Variants in SLC9A9 observed in about 807,000 individuals in gnomAD.
SLC9A9 encodes the protein sodium/hydrogen exchanger 9.
SLC9A9 carries 62 observed loss-of-function variants against 77.8 expected under a neutral mutation model. The observed-to-expected ratio is 0.80, with a 90% CI of 0.65 to 0.98. SLC9A9 has a LOEUF of 0.98. SLC9A9 is among the 50% of genes least tolerant of loss of function. The probability of loss-of-function intolerance (pLI) is 0.00; values close to 1 mark genes in which losing one functional copy is unlikely to be tolerated. For missense variants in SLC9A9, 775 were observed against 774.9 expected (o/e 1.00, Z 0.00); for synonymous variants, 320 against 283.5 (o/e 1.13, Z -1.29).
chr3:143,685,331 G>C (rs1243954941), intron 5 of SLC9A9, among the ~76,000 whole-genome samples: 1 of 151,900 alleles, frequency 6.6e-6, no homozygotes. Flanking sequence ...CATTTCTAGG[G>C]TTCAGTAGCA....
chr3:143,341,272 T>C (rs1488668644), intron 14 of SLC9A9, among the ~76,000 whole-genome samples: 1 of 152,144 alleles, frequency 6.6e-6, no homozygotes, highest in Admixed American at 6.6e-5. Flanking sequence ...TCATAAACTT[T>C]TGGTCTTGAG....
chr3:143,651,412 C>T (rs1372993187), intron 6 of SLC9A9, among the ~76,000 whole-genome samples: 1 of 152,224 alleles, frequency 6.6e-6, no homozygotes, highest in Non-Finnish European at 1.5e-5. Context: ...TCATTTCTTA[C>T]TCCCCTCTGT....
intron 1 of SLC9A9, among the ~76,000 whole-genome samples, chr3:143,835,035 G>A (rs55904283): frequency 0.082 from 12,411 of 152,052 alleles, 1,590 homozygotes; most frequent in African/African-American, 0.27. Context: ...CCTCTGAAGG[G>A]CAACCATGGC....
At chr3:143,771,444 G>A (rs1438226153) in intron 4 of SLC9A9, among the ~76,000 whole-genome samples, 1 of 152,184 alleles carries the variant, frequency 6.6e-6, no homozygotes, top group African/African-American at 2.4e-5. Flanking sequence ...GATGAAGCCT[G>A]CCTTTCCAGA....
chr3:143,581,562 C>T (rs539670520), intron 6 of SLC9A9, among the ~76,000 whole-genome samples: 17 of 150,742 alleles, frequency 1.1e-4, no homozygotes, highest in East Asian at 1.9e-4. Context: ...CTCTTTCTTT[C>T]TTTGCATAAA....
At chr3:143,434,396 T>C (rs1369764026) in intron 12 of SLC9A9, among the ~76,000 whole-genome samples, 4 of 152,196 alleles carry the variant, frequency 2.6e-5, no homozygotes, top group Non-Finnish European at 5.9e-5. Context: ...TCCTTTTTGC[T>C]TATTTGATAA....
At chr3:143,560,134 G>C (rs1459497913) in intron 8 of SLC9A9, among the ~76,000 whole-genome samples, 1 of 152,224 alleles carries the variant, frequency 6.6e-6, no homozygotes, top group Admixed American at 6.5e-5. Context: ...ATGTACATCT[G>C]AGCACCAAAT....
intron 12 of SLC9A9, among the ~76,000 whole-genome samples, chr3:143,403,995 C>T (rs145404980): frequency 3.3e-5 from 5 of 151,536 alleles, no homozygotes; most frequent in South Asian, 4.2e-4. Flanking sequence ...TCTAATTATC[C>T]GCTCATTTTT....
chr3:143,445,527 G>C (rs2034826167), intron 12 of SLC9A9, among the ~76,000 whole-genome samples: 1 of 152,200 alleles, frequency 6.6e-6, no homozygotes. Context: ...GGATGGGACT[G>C]CTCCTTTAGC....
intron 12 of SLC9A9, 61 bp from the exon 13 acceptor site, chr3:143,382,175 T>C: frequency 1.3e-6 from 2 of 1,561,742 alleles, no homozygotes; most frequent in Non-Finnish European, 8.8e-7. Context: ...GACAGTCTTG[T>C]GTGTCAGATG....
chr3:143,739,939 G>A (rs1935036914), intron 4 of SLC9A9, among the ~76,000 whole-genome samples: 1 of 152,128 alleles, frequency 6.6e-6, no homozygotes, highest in South Asian at 2.1e-4. Flanking sequence ...TTTTATCACT[G>A]TCCACATCCA....
chr3:143,507,203 T>C (rs568899193), intron 9 of SLC9A9, among the ~76,000 whole-genome samples: 75 of 151,566 alleles, frequency 4.9e-4, no homozygotes, highest in Non-Finnish European at 9.3e-4. Flanking sequence ...TTATCATTAT[T>C]ATTATTATTA....
chr3:143,784,032 A>G (rs2007967551), intron 4 of SLC9A9, among the ~76,000 whole-genome samples: 1 of 152,246 alleles, frequency 6.6e-6, no homozygotes, highest in African/African-American at 2.4e-5. Flanking sequence ...GCCACTGATA[A>G]GAAAAATGCA....
intron 12 of SLC9A9, among the ~76,000 whole-genome samples, chr3:143,463,310 T>A (rs1320660578): frequency 6.6e-6 from 1 of 152,218 alleles, no homozygotes; most frequent in Non-Finnish European, 1.5e-5. Context: ...ATGAGCTATT[T>A]GCTGAAAGTT....
At chr3:143,342,460 G>A (rs2032131132) in intron 14 of SLC9A9, among the ~76,000 whole-genome samples, 1 of 152,140 alleles carries the variant, frequency 6.6e-6, no homozygotes, top group Non-Finnish European at 1.5e-5. Flanking sequence ...GATCTAAGAA[G>A]CTAGATGATT....
intron 6 of SLC9A9, among the ~76,000 whole-genome samples, chr3:143,635,208 C>A (rs898055746): frequency 1.3e-5 from 2 of 152,206 alleles, no homozygotes; most frequent in African/African-American, 4.8e-5. Context: ...CGCTCCCTCT[C>A]CAGGTGGAAC....
At chr3:143,426,590 ATTC>A (rs1456052069) in intron 12 of SLC9A9, among the ~76,000 whole-genome samples, 1 of 152,168 alleles carries the variant, frequency 6.6e-6, no homozygotes, top group Non-Finnish European at 1.5e-5. Context: ...TTAGGCTCAT[ATTC>A]TTAATGTTTT....
intron 9 of SLC9A9, chr3:143,504,281 C>T: frequency 4.4e-6 from 1 of 227,620 alleles, no homozygotes; most frequent in Non-Finnish European, 8.8e-6. Flanking sequence ...CATGGTGTCT[C>T]AGGGATGTGG....
chr3:143,467,727 AAGAGAGAGAG>A (rs111531862), intron 11 of SLC9A9, among the ~76,000 whole-genome samples: 182 of 144,808 alleles, frequency 1.3e-3, no homozygotes, highest in African/African-American at 4.0e-3. Flanking sequence ...CCTGGCTCTA[AAGAGAGAGAG>A]AGAGAGAGAG....
Sources: allele counts gnomAD v4.1 joint callset (sites outside exome capture counted in the v4.1 genomes callset), GRCh38; gene constraint gnomAD v4.1.1; transcripts MANE v1.5; gene names NCBI Gene and HGNC (gene_info 2026-07-23, HGNC 2026-07-21).